The following RIF1 variants were observed in gnomAD, a reference collection of about 807,000 sequenced individuals.
RIF1 encodes replication timing regulatory factor 1.
A neutral mutation model predicts 247.1 loss-of-function variants in RIF1; 45 were observed. The ratio of observed to expected loss-of-function variants is 0.18; its 90% CI spans 0.14 to 0.23. The LOEUF (loss-of-function observed/expected upper bound fraction) is 0.23. Among genes scored for constraint, RIF1 ranks in the 10% least tolerant of loss-of-function variants. The probability of loss-of-function intolerance (pLI) is 1.00; values close to 1 mark genes in which losing one functional copy is unlikely to be tolerated. For missense variants in RIF1, 2,967 were observed against 2,862.5 expected (o/e 1.04, Z -0.83); for synonymous variants, 1,087 against 978.8 (o/e 1.11, Z -2.06).
At chr2:151,510,676 C>G (rs2073517653), downstream of RIF1, among the ~76,000 whole-genome samples, 1 of 152,102 alleles carries the variant, frequency 6.6e-6, no homozygotes, top group Non-Finnish European at 1.5e-5. Context: ...TGTTGTTAAT[C>G]TCTTACTGTG....
At chr2:151,415,113 C>G (rs1024844274) in intron 4 of RIF1, among the ~76,000 whole-genome samples, 194 bp downstream of exon 4, 1 of 151,622 alleles carries the variant, frequency 6.6e-6, no homozygotes, top group Non-Finnish European at 1.5e-5. Flanking sequence ...TTTGGGAGGC[C>G]GAGGCGGGTG....
the RIF1 span, among the ~76,000 whole-genome samples, chr2:151,523,530 T>C: frequency 2.0e-5 from 3 of 152,232 alleles, no homozygotes; most frequent in Non-Finnish European, 4.4e-5. Flanking sequence ...AATGAGATAT[T>C]CTTAAGCTAA....
At chr2:151,524,551 G>A in the RIF1 span, 2 of 1,589,910 alleles carry the variant, frequency 1.3e-6, no homozygotes, top group African/African-American at 1.4e-5. Flanking sequence ...TGGCCTTCTT[G>A]ATGTCTGGTC....
rs767067833 is a variant in RIF1, at chr2:151,464,284, A to G, written c.4764A>G (p.Lys1588=). Residue 1588 remains lysine, a synonymous_variant, in exon 30 of 36, where the codon AAA becomes AAG. Coordinates refer to ENST00000444746, the MANE Select transcript of RIF1 (RefSeq NM_018151.5). ...TTGACATTCAAGATCAAGAAGAGAA[A>G]GTGGTGAAACAGGAATGTATAAAAG... The part of the protein sequence containing the change: ...ESVDIQDQEE[K]VVKQECIKAE... 11 of 1,613,822 alleles carry G rather than the reference A, an allele frequency of 6.8e-6. No homozygotes were observed. The South Asian group carries it at 1.1e-4, about 16-fold the overall frequency.
chr2:151,530,370 T>TA, the RIF1 span, among the ~76,000 whole-genome samples: 1 of 152,274 alleles, frequency 6.6e-6, no homozygotes, highest in South Asian at 2.1e-4. Context: ...TTGCTCTTCT[T>TA]AAATTTCAGG....
At chr2:151,416,717 T>C in intron 5 of RIF1, 29 bp downstream of exon 5, 1 of 1,609,176 alleles carries the variant, frequency 6.2e-7, no homozygotes, top group East Asian at 2.2e-5. Flanking sequence ...TATGCCATCT[T>C]AACTATATGC....
intron 3 of RIF1, 91 bp downstream of exon 3, chr2:151,411,429 T>A: frequency 2.5e-6 from 2 of 809,614 alleles, no homozygotes; most frequent in Non-Finnish European, 4.0e-6. Context: ...GTAGTTTTGC[T>A]CTTGTTGCCC....
the RIF1 span, chr2:151,526,005 T>G: frequency 1.7e-5 from 27 of 1,613,870 alleles, no homozygotes; most frequent in Non-Finnish European, 2.0e-5. Context: ...GTGTCCCGGG[T>G]CTCTGGTAGT....
Position 151,443,601 on chromosome 2 carries a change from C to G in RIF1, c.1878C>G (p.Asp626Glu). 9 of 1,612,264 alleles carry G rather than the reference C, an allele frequency of 5.6e-6. No homozygotes were observed. Among genetic ancestry groups the G allele is most frequent in the Non-Finnish European group, 6.8e-6 (8 of 1,179,348 alleles). The stretch of plus-strand genomic sequence containing the variant: ...CAACTTCACCACTAGCTTTCAGTGA[C>G]TCAGTTTTAAATGTTATTAATCAAA... ...SGPTSPLAFSDSVLNVINQNA... is the reference protein window; with the variant it reads ...SGPTSPLAFSESVLNVINQNA... Residue 626 changes from aspartate to glutamate, a missense_variant, in exon 18 of 36, where the codon GAC (aspartate) becomes GAG (glutamate). Transcript: ENST00000444746.
chr2:151,435,730 T>G, intron 11 of RIF1, 150 bp downstream of exon 11: 1 of 572,058 alleles, frequency 1.7e-6, no homozygotes, highest in Non-Finnish European at 3.1e-6. Flanking sequence ...TTTAGGTTCA[T>G]TACCAAAAAA....
intron 7 of RIF1, among the ~76,000 whole-genome samples, chr2:151,421,702 A>G (rs1573891674): frequency 1.3e-5 from 2 of 152,048 alleles, no homozygotes; most frequent in South Asian, 4.1e-4. Context: ...GAGCCACCAC[A>G]CCCAGCCCCT....
chr2:151,513,016 A>G, the RIF1 span, among the ~76,000 whole-genome samples: 1 of 152,218 alleles, frequency 6.6e-6, no homozygotes, highest in Admixed American at 6.5e-5. Context: ...AGATTCAGTA[A>G]GAAAGGTCAA....
At chr2:151,434,396 C>T (rs72860238) in intron 10 of RIF1, among the ~76,000 whole-genome samples, 1,898 of 149,652 alleles carry the variant, frequency 0.013, 19 homozygotes, top group Non-Finnish European at 0.022. Context: ...TAACCTAAAC[C>T]TTTTGAGTTA....
chr2:151,487,526 TA>T lies in RIF1; in HGVS notation c.*415+4194del, dbSNP rs2051874847. 2.0e-5 allele frequency among the ~76,000 whole-genome samples: 3 copies of T among 152,328 alleles called. No individual in the cohort carries two copies. In the South Asian group the frequency reaches 6.2e-4, roughly 32 times the overall value. On this transcript the variant is annotated intron_variant and NMD_transcript_variant, in intron 9 of 13. Coordinates refer to the RIF1 transcript ENST00000454583. The stretch of plus-strand genomic sequence containing the variant: ...AATATAGCTTGGAAGTCTTTCCATG[TA>T]AATATAGCTGTATCTTACCCTTTTT...
chr2:151,463,710 A>G lies in RIF1; in HGVS notation c.4190A>G (p.Gln1397Arg). ...CCCCCAGTAGTAATATCAGCAGATC[A>G]AATGGTAAATGAGGATAGTCAGGTT... ...NTPPVVISAD[Q>R]MVNEDSQVQI... The change falls in exon 30 of 36, where the codon CAA becomes CGA. Residue 1397 changes from glutamine (Q) to arginine (R), a missense_variant. Transcript: ENST00000444746. 6.2e-7 allele frequency: 1 copy of G among 1,614,028 alleles called. No individual in the cohort carries two copies. The highest frequency in any genetic ancestry group is 8.5e-7 in the Non-Finnish European group (1 of 1,179,944).
At position 151,411,274 on chromosome 2, in the gene RIF1, A is replaced by G; in HGVS notation, c.119A>G (p.Glu40Gly). ...TGCTTTTTAAGTCGTATGACTGGAG[A>G]AGAAGGAAAAGAAGTAATTACAGAA... Reference protein sequence around the residue: ...YLTLTSRMTGEEGKEVITEIE... With the variant: ...YLTLTSRMTGGEGKEVITEIE... Residue 40 changes from glutamate (E) to glycine (G), a missense_variant, in exon 3 of 36, where the codon GAA becomes GGA. Transcript: ENST00000444746. 1 of 1,601,308 alleles carries G rather than the reference A, an allele frequency of 6.2e-7. No homozygotes were observed. Among genetic ancestry groups the G allele is most frequent in the Non-Finnish European group, 8.5e-7 (1 of 1,172,170 alleles).
chr2:151,516,443 GGTTT>G, the RIF1 span: 12 of 1,545,174 alleles, frequency 7.8e-6, no homozygotes, highest in Non-Finnish European at 1.1e-5. Flanking sequence ...TGTGTGGTGT[GGTTT>G]TTTTGACTTA....
intron 35 of RIF1, among the ~76,000 whole-genome samples, 191 bp from the exon 36 acceptor site, chr2:151,474,666 G>T (rs2048839180): frequency 6.6e-6 from 1 of 152,082 alleles, no homozygotes; most frequent in Non-Finnish European, 1.5e-5. Flanking sequence ...ATAGAATGAG[G>T]CTCCATCTCA....
chr2:151,507,979 G>T (rs1470791029), exon 14 of RIF1: 1 of 1,533,296 alleles, frequency 6.5e-7, no homozygotes, highest in Non-Finnish European at 8.9e-7. Flanking sequence ...CCTGTGGGCT[G>T]TGCCTTACAT....
Sources: allele counts gnomAD v4.1 joint callset (sites outside exome capture counted in the v4.1 genomes callset), GRCh38; gene constraint gnomAD v4.1.1; transcripts MANE v1.5; gene names NCBI Gene and HGNC (gene_info 2026-07-23, HGNC 2026-07-21).